The following COL11A1 variants were observed in gnomAD, a reference collection of about 807,000 sequenced individuals.
COL11A1 encodes the protein collagen type XI alpha 1 chain.
Under a neutral mutation model 265.2 loss-of-function variants are expected in COL11A1, and 74 were observed. The ratio of observed to expected loss-of-function variants is 0.28; its 90% CI spans 0.23 to 0.34. The LOEUF is 0.34. Ranked by LOEUF, COL11A1 falls within the 10% of genes least tolerant of loss-of-function variation. COL11A1 has a pLI of 1.00. For missense variants in COL11A1, 2,165 were observed against 2,263.6 expected (o/e 0.96, Z 0.88); for synonymous variants, 816 against 727.6 (o/e 1.12, Z -1.96).
At chr1:102,896,212 C>CAAAAA (rs5776663) in intron 57 of COL11A1, among the ~76,000 whole-genome samples, 1 of 143,266 alleles carries the variant, frequency 7.0e-6, no homozygotes. Flanking sequence ...AACTTAAAGC[C>CAAAAA]AAAAAAAAAA....
At chr1:102,979,480 T>C (rs1339289778) in intron 31 of COL11A1, 45 bp from the exon 32 acceptor site, 1 of 1,264,074 alleles carries the variant, frequency 7.9e-7, no homozygotes, top group Non-Finnish European at 1.2e-6. Context: ...GCAATTAACA[T>C]TTTCAGTCAC....
intron 41 of COL11A1, among the ~76,000 whole-genome samples, chr1:102,948,541 C>T (rs12144670): frequency 0.19 from 28,875 of 151,788 alleles, 3,047 homozygotes; most frequent in Middle Eastern, 0.32. Context: ...TTTATATAAA[C>T]AAAAGTGGCA....
intron 12 of COL11A1, 29 bp downstream of exon 12, chr1:103,015,639 T>A (rs769266658): frequency 4.5e-5 from 68 of 1,501,236 alleles, no homozygotes; most frequent in Non-Finnish European, 5.8e-5. Context: ...AGATATCAAG[T>A]CATCTCTATA....
At chr1:102,970,663 C>T (rs1185943383) in intron 36 of COL11A1, among the ~76,000 whole-genome samples, 2 of 152,026 alleles carry the variant, frequency 1.3e-5, no homozygotes, top group Non-Finnish European at 2.9e-5. Flanking sequence ...TGCATCAAAA[C>T]TTGGATAACA....
At chr1:102,925,773 A>G (rs1656530291) in intron 46 of COL11A1, among the ~76,000 whole-genome samples, 1 of 152,122 alleles carries the variant, frequency 6.6e-6, no homozygotes, top group African/African-American at 2.4e-5. Context: ...ACATGCATGT[A>G]TATTTTAACA....
chr1:103,007,632 C>A (rs1467804561), intron 15 of COL11A1, among the ~76,000 whole-genome samples: 4 of 151,960 alleles, frequency 2.6e-5, no homozygotes, highest in African/African-American at 9.7e-5. Context: ...CCCAGGAGGG[C>A]AGATTGCTTG....
chr1:102,913,276 C>T (rs1654910472), intron 53 of COL11A1, among the ~76,000 whole-genome samples: 1 of 152,064 alleles, frequency 6.6e-6, no homozygotes, highest in Non-Finnish European at 1.5e-5. Context: ...ATAATTCATG[C>T]TAATGATGGG....
intron 46 of COL11A1, among the ~76,000 whole-genome samples, chr1:102,923,631 A>G (rs970344554): frequency 5.9e-5 from 9 of 152,256 alleles, no homozygotes; most frequent in African/African-American, 1.9e-4. Context: ...ATTTTTAGTT[A>G]TAATAACTAA....
intron 35 of COL11A1, 133 bp downstream of exon 35, chr1:102,978,575 G>GT: frequency 1.0e-6 from 1 of 952,452 alleles, no homozygotes; most frequent in South Asian, 1.4e-5. Flanking sequence ...AAAAATAAGC[G>GT]TTTTTAAATT....
chr1:103,034,323 C>A (rs1668199695), intron 4 of COL11A1, among the ~76,000 whole-genome samples: 1 of 151,928 alleles, frequency 6.6e-6, no homozygotes, highest in South Asian at 2.1e-4. Flanking sequence ...CCTATTATGC[C>A]TATTTTGGAA....
intron 4 of COL11A1, among the ~76,000 whole-genome samples, chr1:103,058,565 C>G (rs568566146): frequency 6.6e-6 from 1 of 152,192 alleles, no homozygotes; most frequent in Non-Finnish European, 1.5e-5. Flanking sequence ...CTTTTGATCT[C>G]AAGTGACTCT....
intron 4 of COL11A1, among the ~76,000 whole-genome samples, chr1:103,050,430 G>A (rs542933037): frequency 4.6e-4 from 70 of 152,224 alleles, no homozygotes; most frequent in African/African-American, 9.9e-4. Flanking sequence ...CGTAGTTCTC[G>A]TGCCTTGGTT....
intron 4 of COL11A1, among the ~76,000 whole-genome samples, chr1:103,063,299 T>G (rs1670817941): frequency 6.6e-6 from 1 of 152,100 alleles, no homozygotes; most frequent in Admixed American, 6.5e-5. Flanking sequence ...GAACTGACAT[T>G]ATCTGACTTT....
Position 103,026,311 on chromosome 1 carries a change from C to T in COL11A1, c.802G>A (p.Glu268Lys), listed in dbSNP as rs1341498364. 5 of 1,612,626 alleles carry T rather than the reference C, an allele frequency of 3.1e-6. No homozygotes were observed. Among genetic ancestry groups the T allele is most frequent in the Non-Finnish European group, 4.2e-6 (5 of 1,178,814 alleles). The change falls in exon 6 of 67, where the codon GAA becomes AAA. Residue 268 changes from glutamate to lysine, a missense_variant. Glu to Lys is a moderately conservative substitution (Grantham distance 56, BLOSUM62 1). Transcript: ENST00000370096. ...GCTTCCCCATACTCATAGTCATATTCGATTATATCCTCTGGTGCATACTAC... is the reference window on the plus strand; with the variant it reads ...GCTTCCCCATACTCATAGTCATATTTGATTATATCCTCTGGTGCATACTAC... ...IDEYAPEDII[E>K]YDYEYGEAEY...
rs1558016855 is a variant in COL11A1, at chr1:103,065,544, AAAAG to A, written c.651+9070_651+9073del. Among the ~76,000 whole-genome samples, 260 of 116,286 alleles carry A rather than the reference AAAAG, an allele frequency of 2.2e-3. 3 individuals carry two copies. The highest frequency in any genetic ancestry group is 8.6e-3 in the African/African-American group (248 of 28,678). 76.3% of individuals were successfully genotyped at this position (116,286 alleles called of 152,430 possible). On this transcript the variant is annotated intron_variant, in intron 4 of 66. Transcript: ENST00000370096. Reference sequence around the variant, plus strand: ...TCTCAAAAAAAAAAAAAAAAAAAAAAAAAGAAAGCAAACAAACAAACAAACAAAC... The same window carrying A: ...TCTCAAAAAAAAAAAAAAAAAAAAAAAAAGCAAACAAACAAACAAACAAAC...
chr1:102,980,208 G>T (rs935086831), intron 31 of COL11A1, among the ~76,000 whole-genome samples: 1 of 151,772 alleles, frequency 6.6e-6, no homozygotes, highest in African/African-American at 2.4e-5. Flanking sequence ...AAAAAAGAAT[G>T]CTTGGTATAA....
intron 54 of COL11A1, among the ~76,000 whole-genome samples, chr1:102,910,519 C>G (rs926266136): frequency 1.3e-5 from 2 of 152,104 alleles, no homozygotes; most frequent in Non-Finnish European, 2.9e-5. Flanking sequence ...CTCTCCTTTT[C>G]TAGCTGCTAC....
intron 42 of COL11A1, among the ~76,000 whole-genome samples, chr1:102,946,369 A>G: frequency 6.6e-6 from 1 of 152,096 alleles, no homozygotes; most frequent in East Asian, 1.9e-4. Context: ...TAGATATTAG[A>G]TGAAATAATT....
intron 17 of COL11A1, 39 bp from the exon 18 acceptor site, chr1:103,005,930 T>A (rs1182796337): frequency 2.6e-6 from 3 of 1,134,036 alleles, no homozygotes; most frequent in Non-Finnish European, 3.9e-6. Context: ...ATCATCATCA[T>A]CACAATTCCA....
Sources: gnomAD v4.1 joint callset for allele counts (sites outside exome capture counted in the v4.1 genomes callset) on GRCh38, gnomAD v4.1.1 for gene constraint, MANE v1.5 for transcripts, NCBI Gene and HGNC (gene_info 2026-07-23, HGNC 2026-07-21) for gene names.